The following ZNF804B variants were observed in gnomAD, a reference collection of about 807,000 sequenced individuals.
The protein encoded by ZNF804B is zinc finger protein 804B.
In ZNF804B, 80 loss-of-function variants were observed where a neutral mutation model predicts 101.4. The ratio of observed to expected loss-of-function variants is 0.79; its 90% CI spans 0.66 to 0.95. The LOEUF is 0.95. ZNF804B is among the 40% of genes least tolerant of loss of function. ZNF804B has a pLI of 0.00. For missense variants in ZNF804B, 1,673 were observed against 1,561.9 expected (o/e 1.07, Z -1.20); for synonymous variants, 622 against 558.8 (o/e 1.11, Z -1.59).
At chr7:89,185,572 A>T (rs1044031524) in intron 1 of ZNF804B, among the ~76,000 whole-genome samples, 3 of 152,188 alleles carry the variant, frequency 2.0e-5, no homozygotes, top group African/African-American at 7.2e-5. Flanking sequence ...TTGAAAAGAC[A>T]GGATCTGGTC....
intron 2 of ZNF804B, among the ~76,000 whole-genome samples, chr7:89,291,938 C>T (rs1049940802): frequency 6.6e-6 from 1 of 152,090 alleles, no homozygotes; most frequent in South Asian, 2.1e-4. Flanking sequence ...TGGCAGAAGA[C>T]TTTTTAGGGA....
intron 1 of ZNF804B, among the ~76,000 whole-genome samples, chr7:88,897,454 A>G (rs942476489): frequency 1.3e-5 from 2 of 152,226 alleles, no homozygotes; most frequent in African/African-American, 2.4e-5. Context: ...GAAGGAATGC[A>G]GTCTTGCTGA....
chr7:89,223,728 A>G (rs1789040213), intron 2 of ZNF804B, among the ~76,000 whole-genome samples: 1 of 151,822 alleles, frequency 6.6e-6, no homozygotes, highest in Non-Finnish European at 1.5e-5. Flanking sequence ...TTGTAGAGAA[A>G]GGCAGCTCAT....
intron 1 of ZNF804B, among the ~76,000 whole-genome samples, chr7:88,788,438 C>T (rs889170121): frequency 1.3e-5 from 2 of 152,088 alleles, no homozygotes; most frequent in African/African-American, 4.8e-5. Flanking sequence ...CGTTACCACC[C>T]CACCTCTTTT....
At chr7:89,138,087 T>A (rs192216816) in intron 1 of ZNF804B, among the ~76,000 whole-genome samples, 2 of 152,106 alleles carry the variant, frequency 1.3e-5, no homozygotes, top group Admixed American at 6.6e-5. Context: ...GAACCTCTGC[T>A]TAGATTTCAG....
In ZNF804B at chr7:89,333,801, A is replaced by T. The variant is rs1332337743; in HGVS notation, c.819A>T (p.Thr273=). 6 of 1,613,316 alleles carry T rather than the reference A, an allele frequency of 3.7e-6. No homozygotes were observed. The highest frequency in any genetic ancestry group is 8.5e-7 in the Non-Finnish European group (1 of 1,179,714). ...GCTGCAGGTTTGCAAATAAAGATAC[A>T]CACCTTACCAAGGAAAAAGAGGTAA... ...CKCCRFANKD[T]HLTKEKEVNI... Residue 273 remains threonine (T), a synonymous_variant, in exon 4 of 4, where the codon ACA becomes ACT. Transcript: ENST00000333190.
intron 1 of ZNF804B, among the ~76,000 whole-genome samples, chr7:89,169,328 G>A (rs767562145): frequency 1.3e-5 from 2 of 152,176 alleles, no homozygotes; most frequent in Non-Finnish European, 2.9e-5. Flanking sequence ...CGGCTCGAAT[G>A]CCTGAGATTT....
chr7:88,877,025 T>TTTTTTTTTTTTTTGAAAAAAAA (rs1791955669), intron 1 of ZNF804B, among the ~76,000 whole-genome samples: 1 of 59,268 alleles, frequency 1.7e-5, no homozygotes, highest in African/African-American at 1.2e-4. Flanking sequence ...TATATATATA[T>TTTTTTTTTTTTTTGAAAAAAAA]AATATATATA....
intron 1 of ZNF804B, among the ~76,000 whole-genome samples, chr7:89,073,551 C>T (rs1363489816): frequency 2.0e-5 from 3 of 151,952 alleles, no homozygotes; most frequent in African/African-American, 7.2e-5. Context: ...TGAAATTTTG[C>T]ATTTGATATG....
chr7:88,924,075 G>C (rs1263928570), intron 1 of ZNF804B, among the ~76,000 whole-genome samples: 1 of 151,940 alleles, frequency 6.6e-6, no homozygotes, highest in Admixed American at 6.6e-5. Context: ...ATAGAGTTCC[G>C]AGAATGGAGT....
At chr7:89,277,149 T>C (rs1017311090) in intron 2 of ZNF804B, among the ~76,000 whole-genome samples, 6 of 148,426 alleles carry the variant, frequency 4.0e-5, no homozygotes, top group Non-Finnish European at 3.0e-5. Flanking sequence ...TATAAACACA[T>C]AAATATAAAA....
At chr7:89,280,498 T>G (rs1241962602) in intron 2 of ZNF804B, among the ~76,000 whole-genome samples, 6 of 151,858 alleles carry the variant, frequency 4.0e-5, no homozygotes, top group African/African-American at 9.7e-5. Flanking sequence ...TCAACAAAAT[T>G]GATAGACCGC....
At chr7:89,184,142 T>G (rs17167334) in intron 1 of ZNF804B, among the ~76,000 whole-genome samples, 2,330 of 152,254 alleles carry the variant, frequency 0.015, 49 homozygotes, top group East Asian at 0.033. Context: ...TACTTGAGCA[T>G]TGACACTGTG....
chr7:89,111,828 C>A (rs1311290637), intron 1 of ZNF804B, among the ~76,000 whole-genome samples: 2 of 151,974 alleles, frequency 1.3e-5, no homozygotes, highest in African/African-American at 2.4e-5. Context: ...AAATTGTATT[C>A]TTAAAATAGT....
chr7:89,296,949 C>T (rs1309692629), intron 2 of ZNF804B, among the ~76,000 whole-genome samples: 2 of 151,990 alleles, frequency 1.3e-5, no homozygotes, highest in African/African-American at 4.8e-5. Flanking sequence ...GTTAAGAAAT[C>T]AACTGAGTCA....
chr7:89,120,489 C>T (rs1332929030), intron 1 of ZNF804B, among the ~76,000 whole-genome samples: 3 of 151,720 alleles, frequency 2.0e-5, no homozygotes, highest in Non-Finnish European at 4.4e-5. Context: ...AACCCCGTCT[C>T]TACTAAAAAT....
chr7:89,242,507 A>G (rs1035540895), intron 2 of ZNF804B, among the ~76,000 whole-genome samples: 1 of 151,916 alleles, frequency 6.6e-6, no homozygotes, highest in African/African-American at 2.4e-5. Context: ...CTTTTATGTT[A>G]TCATGTAATT....
intron 2 of ZNF804B, among the ~76,000 whole-genome samples, chr7:89,267,880 T>C (rs372361510): frequency 6.6e-6 from 1 of 152,108 alleles, no homozygotes; most frequent in African/African-American, 2.4e-5. Flanking sequence ...TTGTGACATA[T>C]TGTGGGGTTT....
intron 1 of ZNF804B, among the ~76,000 whole-genome samples, chr7:88,763,508 T>C (rs1260009407): frequency 6.6e-6 from 1 of 151,866 alleles, no homozygotes; most frequent in Non-Finnish European, 1.5e-5. Flanking sequence ...ATGGGAATAA[T>C]TGAGTAGAGA....
Sources: gnomAD v4.1 joint callset for allele counts (sites outside exome capture counted in the v4.1 genomes callset) on GRCh38, gnomAD v4.1.1 for gene constraint, MANE v1.5 for transcripts, NCBI Gene and HGNC (gene_info 2026-07-23, HGNC 2026-07-21) for gene names.